The following BABAM2 variants were observed in gnomAD, a reference collection of about 807,000 sequenced individuals.
BABAM2 encodes the protein BRISC and BRCA1-A complex member 2.
BABAM2 carries 31 observed loss-of-function variants against 54.7 expected under a neutral mutation model. The observed-to-expected ratio is 0.57, with a 90% CI of 0.43 to 0.77. The LOEUF (loss-of-function observed/expected upper bound fraction) is 0.77, where lower values mean the gene tolerates loss of function less well. Among genes scored for constraint, BABAM2 ranks in the 30% least tolerant of loss-of-function variants. BABAM2 has a pLI of 0.00. For synonymous variants in BABAM2, 167 were observed against 162.9 expected (o/e 1.03, Z -0.19); for missense variants, 364 against 455.8 (o/e 0.80, Z 1.83).
intron 10 of BABAM2, among the ~76,000 whole-genome samples, chr2:28,286,320 C>T (rs1285819315): frequency 6.6e-6 from 1 of 152,104 alleles, no homozygotes; most frequent in Non-Finnish European, 1.5e-5. Flanking sequence ...ATGCTGGGGG[C>T]ATTATAGGAA....
chr2:27,946,158 A>G (rs1669283604), intron 3 of BABAM2, among the ~76,000 whole-genome samples: 1 of 152,192 alleles, frequency 6.6e-6, no homozygotes, highest in African/African-American at 2.4e-5. Flanking sequence ...TGTCAGTTCT[A>G]GGTGCCTTTT....
chr2:28,106,817 G>A (rs1316700798), intron 6 of BABAM2, among the ~76,000 whole-genome samples: 1 of 152,040 alleles, frequency 6.6e-6, no homozygotes. Flanking sequence ...AATTTATTTA[G>A]CATGGACTCA....
chr2:28,233,939 A>G (rs1296027459), intron 7 of BABAM2, among the ~76,000 whole-genome samples: 2 of 149,050 alleles, frequency 1.3e-5, no homozygotes, highest in African/African-American at 5.0e-5. Flanking sequence ...CACAGTGTCT[A>G]CTTTGGTGAC....
intron 7 of BABAM2, among the ~76,000 whole-genome samples, chr2:28,215,011 A>G (rs780638326): frequency 1.3e-5 from 2 of 152,190 alleles, no homozygotes; most frequent in African/African-American, 2.4e-5. Flanking sequence ...AATGTCAAGC[A>G]GAATTTATTA....
intron 7 of BABAM2, among the ~76,000 whole-genome samples, chr2:28,163,685 G>A (rs1032998234): frequency 1.3e-5 from 2 of 152,196 alleles, no homozygotes; most frequent in African/African-American, 4.8e-5. Context: ...GTAAGGGTGA[G>A]GCAATCTGTC....
At chr2:28,184,017 A>G (rs1184745231) in intron 7 of BABAM2, among the ~76,000 whole-genome samples, 1 of 152,210 alleles carries the variant, frequency 6.6e-6, no homozygotes, top group Non-Finnish European at 1.5e-5. Flanking sequence ...AGTTTGTTGA[A>G]CAATGAAAGT....
rs527867114 is a variant in BABAM2, at chr2:28,149,160, T to A, written c.680+19780T>A. Among the ~76,000 whole-genome samples, 37 of 152,344 alleles carry A rather than the reference T, an allele frequency of 2.4e-4. 1 individual carries two copies. In the South Asian group the frequency reaches 7.3e-3, roughly 30 times the overall value. On this transcript the variant is annotated intron_variant, in intron 7 of 11. Transcript: ENST00000379624. ...TTACTGTAGTGTTTTTATTGTATTT[T>A]AAAAAAATTAAGCCGAGTATAACTT...
chr2:28,242,223 G>A (rs562742575), intron 9 of BABAM2, among the ~76,000 whole-genome samples: 48 of 152,228 alleles, frequency 3.2e-4, no homozygotes, highest in Admixed American at 1.8e-3. Flanking sequence ...ACACAGATCC[G>A]GGCAGGAAAT....
rs1046033274 is a variant in BABAM2 at position 28,104,675 on chromosome 2, C to T, written c.571-24596C>T. Among the ~76,000 whole-genome samples, 10 of 152,222 alleles carry T rather than the reference C, an allele frequency of 6.6e-5. No homozygotes were observed. In the South Asian group the frequency reaches 1.2e-3, roughly 19 times the overall value. Reference sequence around the variant, plus strand: ...AACTAGAAATACCATTTGACCCAGCCATCCCATTACTGGGTATATACCCAA... The same window carrying T: ...AACTAGAAATACCATTTGACCCAGCTATCCCATTACTGGGTATATACCCAA... On this transcript the variant is annotated intron_variant, in intron 6 of 11. Coordinates refer to ENST00000379624, the MANE Select transcript of BABAM2 (RefSeq NM_199191.3).
At chr2:27,994,250 G>A (rs1300425008) in intron 4 of BABAM2, among the ~76,000 whole-genome samples, 4 of 152,186 alleles carry the variant, frequency 2.6e-5, no homozygotes, top group Non-Finnish European at 2.9e-5. Flanking sequence ...CCATGTATGT[G>A]TGGTAAGTAC....
intron 7 of BABAM2, among the ~76,000 whole-genome samples, chr2:28,164,529 A>G (rs1225901818): frequency 7.3e-5 from 11 of 150,308 alleles, no homozygotes; most frequent in African/African-American, 2.0e-4. Context: ...AGTTTGTCCA[A>G]TGCATTAAAA....
chr2:28,088,238 G>A (rs1665850762), intron 6 of BABAM2, among the ~76,000 whole-genome samples: 1 of 152,096 alleles, frequency 6.6e-6, no homozygotes, highest in Non-Finnish European at 1.5e-5. Flanking sequence ...CAGAAAACAA[G>A]TGTGTATCTA....
At chr2:28,265,885 A>C (rs1210316124) in intron 10 of BABAM2, among the ~76,000 whole-genome samples, 2 of 152,090 alleles carry the variant, frequency 1.3e-5, no homozygotes, top group African/African-American at 4.8e-5. Context: ...ACCTGTTCCC[A>C]GTCTGGCTTG....
intron 6 of BABAM2, among the ~76,000 whole-genome samples, chr2:28,055,635 A>G (rs1678344525): frequency 1.3e-5 from 2 of 152,244 alleles, no homozygotes; most frequent in South Asian, 4.1e-4. Flanking sequence ...AAAAGAAGTT[A>G]CAGGTAGTTT....
At chr2:28,049,610 G>C (rs778730014) in intron 6 of BABAM2, among the ~76,000 whole-genome samples, 1 of 152,196 alleles carries the variant, frequency 6.6e-6, no homozygotes, top group Non-Finnish European at 1.5e-5. Context: ...AATTGAGTGT[G>C]AAAAAGCTAA....
chr2:27,988,345 C>A (rs1034785389), intron 4 of BABAM2, among the ~76,000 whole-genome samples: 1 of 152,060 alleles, frequency 6.6e-6, no homozygotes, highest in Non-Finnish European at 1.5e-5. Flanking sequence ...ATTTTTACTT[C>A]AGTTTAAAGA....
intron 11 of BABAM2, among the ~76,000 whole-genome samples, chr2:28,313,976 ACCCC>A (rs1689297844): frequency 6.6e-6 from 1 of 152,010 alleles, no homozygotes; most frequent in East Asian, 1.9e-4. Flanking sequence ...AATGTAGAAA[ACCCC>A]AGTTTTGCAT....
chr2:27,909,106 A>C (rs564006313), intron 2 of BABAM2, among the ~76,000 whole-genome samples: 9 of 152,098 alleles, frequency 5.9e-5, no homozygotes, highest in African/African-American at 1.9e-4. Context: ...GCAGTGGGGC[A>C]ATCACAGCTC....
At chr2:28,214,243 A>G (rs560548503) in intron 7 of BABAM2, among the ~76,000 whole-genome samples, 2 of 152,328 alleles carry the variant, frequency 1.3e-5, no homozygotes, top group South Asian at 2.1e-4. Flanking sequence ...CACCACCACA[A>G]TCATGATACA....
Sources: gnomAD v4.1 joint callset for allele counts (sites outside exome capture counted in the v4.1 genomes callset) on GRCh38, gnomAD v4.1.1 for gene constraint, MANE v1.5 for transcripts, NCBI Gene and HGNC (gene_info 2026-07-23, HGNC 2026-07-21) for gene names.